OPCML: variants seen among roughly 807,000 people sequenced by gnomAD.
OPCML encodes opioid-binding protein/cell adhesion molecule.
Under a neutral mutation model 37.8 loss-of-function variants are expected in OPCML, and 13 were observed. The ratio of observed to expected loss-of-function variants is 0.34; its 90% confidence interval spans 0.22 to 0.55. OPCML has a LOEUF of 0.55. Among genes scored for constraint, OPCML ranks in the 20% least tolerant of loss-of-function variants. The probability of loss-of-function intolerance (pLI) is 0.91; values close to 1 mark genes in which losing one functional copy is unlikely to be tolerated. For missense variants in OPCML, 341 were observed against 435.6 expected, an observed-to-expected ratio of 0.78 and a Z score of 1.93; for synonymous variants, 176 against 168.8, an observed-to-expected ratio of 1.04 and a Z score of -0.33.
intron 4 of OPCML, among the ~76,000 whole-genome samples, chr11:132,522,254 C>G (rs1445797332): frequency 1.3e-5 from 2 of 152,124 alleles, no homozygotes; most frequent in Non-Finnish European, 2.9e-5. Flanking sequence ...TTTTGCCTAT[C>G]ACAAATAAAA....
intron 2 of OPCML, among the ~76,000 whole-genome samples, chr11:132,664,549 G>A (rs997275541): frequency 2.6e-5 from 4 of 152,132 alleles, no homozygotes; most frequent in African/African-American, 9.7e-5. Flanking sequence ...TATTAATAAT[G>A]CCAGTCCAAA....
At chr11:132,880,830 T>C (rs1212612158) in intron 2 of OPCML, among the ~76,000 whole-genome samples, 1 of 152,194 alleles carries the variant, frequency 6.6e-6, no homozygotes, top group Non-Finnish European at 1.5e-5. Flanking sequence ...GTCCAGATAG[T>C]AATTTGAAAC....
intron 2 of OPCML, chr11:132,859,311 G>A (rs1029853065): frequency 2.6e-5 from 4 of 152,196 alleles, no homozygotes; most frequent in Non-Finnish European, 4.4e-5. Flanking sequence ...TCAGAGGTGC[G>A]AGTTCTCAAG....
At chr11:132,499,804 C>T (rs1026670364) in intron 4 of OPCML, among the ~76,000 whole-genome samples, 15 of 152,262 alleles carry the variant, frequency 9.9e-5, no homozygotes, top group Non-Finnish European at 1.3e-4. Flanking sequence ...AGCTCATGTC[C>T]GTGACTATGT....
chr11:133,468,608 A>C (rs2137000997), intron 1 of OPCML, among the ~76,000 whole-genome samples: 1 of 152,358 alleles, frequency 6.6e-6, no homozygotes, highest in South Asian at 2.1e-4. Context: ...AAATGTCCTA[A>C]GCAAATGGGA....
At chr11:132,463,533 T>C (rs779003673) in intron 4 of OPCML, among the ~76,000 whole-genome samples, 2 of 152,182 alleles carry the variant, frequency 1.3e-5, no homozygotes, top group African/African-American at 4.8e-5. Flanking sequence ...GATTCTCACG[T>C]GCATCATCAC....
intron 2 of OPCML, among the ~76,000 whole-genome samples, chr11:132,915,295 C>A (rs1042838049): frequency 6.6e-6 from 1 of 152,190 alleles, no homozygotes; most frequent in Admixed American, 6.5e-5. Context: ...GCACAATCTG[C>A]TTTTTACCTC....
At chr11:132,571,441 T>G (rs1233503713) in intron 3 of OPCML, among the ~76,000 whole-genome samples, 1 of 152,156 alleles carries the variant, frequency 6.6e-6, no homozygotes, top group Non-Finnish European at 1.5e-5. Context: ...CTAATATACC[T>G]TAGCTTCCAG....
chr11:132,493,231 A>G (rs2096221535), intron 4 of OPCML, among the ~76,000 whole-genome samples: 1 of 152,224 alleles, frequency 6.6e-6, no homozygotes, highest in South Asian at 2.1e-4. Context: ...GGAAGATGCC[A>G]TGACTGCCCT....
intron 3 of OPCML, among the ~76,000 whole-genome samples, chr11:132,605,835 C>T (rs1351200718): frequency 6.6e-6 from 1 of 152,128 alleles, no homozygotes; most frequent in Non-Finnish European, 1.5e-5. Flanking sequence ...ATAGGAAGAA[C>T]TCAATATACA....
chr11:133,420,643 C>T, intron 1 of OPCML: 1 of 985,298 alleles, frequency 1.0e-6, no homozygotes, highest in Non-Finnish European at 1.2e-6. Flanking sequence ...GGTATGGAGG[C>T]TTTAAGAAGT....
intron 1 of OPCML, among the ~76,000 whole-genome samples, chr11:133,226,063 G>A (rs1395412925): frequency 1.3e-5 from 2 of 152,224 alleles, no homozygotes; most frequent in East Asian, 3.9e-4. Context: ...TGACAGAGCT[G>A]GGATTTGAAA....
chr11:132,671,749 C>A (rs1042760414), intron 2 of OPCML, among the ~76,000 whole-genome samples: 1 of 151,298 alleles, frequency 6.6e-6, no homozygotes, highest in Admixed American at 6.6e-5. Flanking sequence ...CCCAAATTTT[C>A]ATTATAAGTA....
At chr11:132,546,427 C>T (rs1214849876) in intron 3 of OPCML, among the ~76,000 whole-genome samples, 1 of 152,166 alleles carries the variant, frequency 6.6e-6, no homozygotes, top group Non-Finnish European at 1.5e-5. Flanking sequence ...TTCTCCTTCA[C>T]CCTTCTCCCA....
At chr11:132,829,969 C>T (rs1940589610) in intron 2 of OPCML, among the ~76,000 whole-genome samples, 1 of 152,130 alleles carries the variant, frequency 6.6e-6, no homozygotes, top group African/African-American at 2.4e-5. Context: ...TCAGCCCACA[C>T]ATTATAGGCA....
At chr11:132,981,321 G>A (rs1339570230) in intron 1 of OPCML, among the ~76,000 whole-genome samples, 2 of 152,190 alleles carry the variant, frequency 1.3e-5, no homozygotes, top group Non-Finnish European at 2.9e-5. Context: ...AGGCCACGTG[G>A]TGGTTAGAGC....
Position 133,141,086 on chromosome 11 carries a change from AAGAAGAAGGAGAAGAAGAAGC to A in OPCML, c.62-198097_62-198077del, listed in dbSNP as rs1197699989. On this transcript the variant is annotated intron_variant, in intron 1 of 7. Transcript: ENST00000524381. ...GAAGAAGAAGAAGAAGAAGAAGAAG[AAGAAGAAGGAGAAGAAGAAGC>A]AGCTGAATGCCAAAGTGTGTGGACT... Among the ~76,000 whole-genome samples, 9 of 132,462 alleles carry A rather than the reference AAGAAGAAGGAGAAGAAGAAGC, an allele frequency of 6.8e-5. 2 individuals carry two copies. Among genetic ancestry groups the A allele is most frequent in the African/African-American group, 2.2e-4 (8 of 36,638 alleles). 86.9% of individuals were successfully genotyped at this position (132,462 alleles called of 152,430 possible). A position where few individuals can be genotyped will look rare whatever the true frequency, so the allele number is the denominator to read the frequency against.
chr11:133,089,897 TG>T (rs1332866573), intron 1 of OPCML, among the ~76,000 whole-genome samples: 14 of 152,240 alleles, frequency 9.2e-5, no homozygotes, highest in Non-Finnish European at 2.1e-4. Flanking sequence ...CCACGTACTT[TG>T]GCACTGTTCT....
At chr11:132,726,730 G>A (rs1375792812) in intron 2 of OPCML, among the ~76,000 whole-genome samples, 1 of 152,064 alleles carries the variant, frequency 6.6e-6, no homozygotes, top group African/African-American at 2.4e-5. Context: ...CCGTGGAAGA[G>A]GAAGCAGAGA....
Sources: allele counts gnomAD v4.1 joint callset (sites outside exome capture counted in the v4.1 genomes callset), GRCh38; gene constraint gnomAD v4.1.1; transcripts MANE v1.5; gene names NCBI Gene and HGNC (gene_info 2026-07-23, HGNC 2026-07-21).